ACOT7: variants seen among roughly 807,000 people sequenced by gnomAD.
The protein encoded by ACOT7 is acyl-CoA thioesterase 7.
A neutral mutation model predicts 40.2 loss-of-function variants in ACOT7; 12 were observed. That is an observed-to-expected ratio of 0.30 (90% confidence interval 0.19 to 0.48). The LOEUF (loss-of-function observed/expected upper bound fraction) is 0.48, where lower values mean the gene tolerates loss of function less well. ACOT7 is among the 20% of genes least tolerant of loss of function. The pLI is 0.99. For synonymous variants in ACOT7, 228 were observed against 219.5 expected (o/e 1.04, Z -0.34); for missense variants, 395 against 530.8 (o/e 0.74, Z 2.51).
rs533979293 is a variant in ACOT7 at position 6,352,482 on chromosome 1, G to A, written c.144-2616C>T. On this transcript the variant is annotated intron_variant, in intron 1 of 8. Transcript: ENST00000361521. The surrounding 1 kb of genome is among the most constrained non-coding windows in gnomAD (Gnocchi z 4.5). ...CCCCATGGCCTGGCCAAGGCCAACC[G>A]TGTCCATCCCAGGACAGGGTCATGA... is the stretch of plus-strand genomic sequence containing the variant. Among the ~76,000 whole-genome samples the A allele has an allele frequency of 1.8e-4, 28 of 152,226 alleles. No individual in the cohort carries two copies. The highest frequency in any genetic ancestry group is 3.7e-4 in the Non-Finnish European group (25 of 68,044).
At position 6,352,813 on chromosome 1, in the gene ACOT7, G is replaced by T. The variant is rs1052183313; in HGVS notation, c.144-2947C>A. On this transcript the variant is annotated intron_variant, in intron 1 of 8. Transcript: ENST00000361521. The surrounding 1 kb of genome is among the most constrained non-coding windows in gnomAD (Gnocchi z 4.5). ...TTAGCCAGGATGGTCTTGATCTCCTGACCTCGTTCGTGATCCCATTTCTAA... is the reference window on the plus strand; with the variant it reads ...TTAGCCAGGATGGTCTTGATCTCCTTACCTCGTTCGTGATCCCATTTCTAA... Among the ~76,000 whole-genome samples, 3 of 151,966 alleles carry T rather than the reference G, an allele frequency of 2.0e-5. No individual in the cohort carries two copies. Among genetic ancestry groups the T allele is most frequent in the African/African-American group, 7.3e-5 (3 of 41,372 alleles).
At chr1:6,348,529 G>T (rs1196663484) in intron 2 of ACOT7, among the ~76,000 whole-genome samples, 2 of 152,144 alleles carry the variant, frequency 1.3e-5, no homozygotes, top group Admixed American at 1.3e-4. Flanking sequence ...ATGAGAGAAT[G>T]GGGACAGAGC....
intron 5 of ACOT7, among the ~76,000 whole-genome samples, chr1:6,323,738 AT>A (rs1264305687): frequency 0.044 from 1,464 of 33,436 alleles, 48 homozygotes; most frequent in African/African-American, 0.12. Context: ...AAAAAAAAAA[AT>A]ATATATATAT....
At chr1:6,323,850 C>G (rs561072003) in intron 5 of ACOT7, among the ~76,000 whole-genome samples, 1 of 150,192 alleles carries the variant, frequency 6.7e-6, no homozygotes, top group Non-Finnish European at 1.5e-5. Flanking sequence ...GACGAGGCCA[C>G]CCCTGTGGAG....
chr1:6,273,933 A>G (rs151248084), intron 8 of ACOT7, among the ~76,000 whole-genome samples: 1,723 of 152,322 alleles, frequency 0.011, 16 homozygotes, highest in Non-Finnish European at 0.018. Context: ...GCCCCGTGAC[A>G]AAGGCCCCAC....
chr1:6,393,136 G>T, intron 1 of ACOT7, 121 bp downstream of exon 1: 1 of 1,091,744 alleles, frequency 9.2e-7, no homozygotes, highest in Non-Finnish European at 1.1e-6. Context: ...GGAAGGCCGT[G>T]CGGGGAATCG....
chr1:6,325,355 G>A (rs1640769851), intron 5 of ACOT7, among the ~76,000 whole-genome samples: 1 of 150,728 alleles, frequency 6.6e-6, no homozygotes, highest in Admixed American at 6.6e-5. Flanking sequence ...CTGAGATCGC[G>A]CCACTGCACT....
intron 7 of ACOT7, among the ~76,000 whole-genome samples, chr1:6,286,564 C>T (rs928466461): frequency 6.6e-6 from 1 of 152,164 alleles, no homozygotes; most frequent in African/African-American, 2.4e-5. Flanking sequence ...CCAGGCTTGG[C>T]CACTGAGCAG....
intron 1 of ACOT7, among the ~76,000 whole-genome samples, chr1:6,384,461 A>G (rs555959676): frequency 6.6e-6 from 1 of 152,032 alleles, no homozygotes; most frequent in African/African-American, 2.4e-5. Flanking sequence ...ATTCCTCAAG[A>G]GAATAACCAC....
intron 7 of ACOT7, among the ~76,000 whole-genome samples, chr1:6,287,339 G>C (rs1639533028): frequency 6.6e-6 from 1 of 152,236 alleles, no homozygotes; most frequent in African/African-American, 2.4e-5. Context: ...TGCTGGGCCT[G>C]CCCTCCCAGT....
At chr1:6,390,216 T>C (rs922938541) in intron 1 of ACOT7, among the ~76,000 whole-genome samples, 9 of 152,208 alleles carry the variant, frequency 5.9e-5, no homozygotes, top group African/African-American at 1.9e-4. Context: ...TGCTCACTCA[T>C]GAGCAGGGGC....
chr1:6,384,305 G>A (rs965414855), intron 1 of ACOT7, among the ~76,000 whole-genome samples: 1 of 151,792 alleles, frequency 6.6e-6, no homozygotes, highest in African/African-American at 2.4e-5. Flanking sequence ...AAGCCACAGT[G>A]AGATACCACT....
rs947080904 is a variant in ACOT7 at position 6,355,427 on chromosome 1, A to G, written c.144-5561T>C. Among the ~76,000 whole-genome samples, 6 of 152,182 alleles carry G rather than the reference A, an allele frequency of 3.9e-5. No individual in the cohort carries two copies. Among genetic ancestry groups the G allele is most frequent in the Admixed American group, 1.3e-4 (2 of 15,272 alleles). The stretch of plus-strand genomic sequence containing the variant: ...AAGGACATAAAAGCAACAGCCACAC[A>G]TTGGAATATTGCTCAGCCTTGCACG... On this transcript the variant is annotated intron_variant, in intron 1 of 8. Transcript: ENST00000361521. The surrounding 1 kb of genome is among the most constrained non-coding windows in gnomAD (Gnocchi z 5.0).
In ACOT7 at chr1:6,393,592, C is replaced by T. The variant is rs1200820308; in HGVS notation, c.-193G>A. On this transcript the variant is annotated 5_prime_UTR_variant, in exon 1 of 9. Coordinates refer to ENST00000361521, the MANE Select transcript of ACOT7 (RefSeq NM_007274.4). The stretch of plus-strand genomic sequence containing the variant: ...TCTGGCGGCGTGGGGGCCCAGGCAG[C>T]CGCCGCTTCCAGAAGGTTCGGTGGC... The T allele has an allele frequency of 4.9e-6, 2 of 406,380 alleles. No individual in the cohort carries two copies. Among genetic ancestry groups the T allele is most frequent in the African/African-American group, 4.2e-5 (2 of 47,380 alleles). 25.2% of individuals were successfully genotyped at this position (406,380 alleles called of 1,614,324 possible).
intron 1 of ACOT7, among the ~76,000 whole-genome samples, chr1:6,370,441 T>A (rs1642106700): frequency 6.6e-6 from 1 of 150,626 alleles, no homozygotes; most frequent in East Asian, 1.9e-4. Context: ...AGGTCTATTG[T>A]CAATGAGCAG....
intron 1 of ACOT7, among the ~76,000 whole-genome samples, chr1:6,364,988 A>C (rs990169966): frequency 2.0e-5 from 3 of 151,820 alleles, no homozygotes; most frequent in African/African-American, 7.3e-5. Context: ...GCCCCACTGC[A>C]CTCCAGCCTG....
rs189081862 is a variant in ACOT7, at chr1:6,306,614, T to G, written c.713-11634A>C. The G allele has an allele frequency of 3.7e-5, 36 of 985,378 alleles. No homozygotes were observed. In the East Asian group the frequency reaches 2.7e-3, roughly 75 times the overall value. 61.0% of individuals were successfully genotyped at this position (985,378 alleles called of 1,614,324 possible). Reference sequence around the variant, plus strand: ...CCTAGAAGGCGAGTACTAGAAGGAATTTAACTGCAGCCTGTGCCACTCAGC... The same window carrying G: ...CCTAGAAGGCGAGTACTAGAAGGAAGTTAACTGCAGCCTGTGCCACTCAGC... On this transcript the variant is annotated intron_variant, in intron 6 of 8. Transcript: ENST00000361521. The surrounding 1 kb of genome is among the most constrained non-coding windows in gnomAD (Gnocchi z 4.3).
At position 6,288,878 on chromosome 1, in the gene ACOT7, C is replaced by CT. The variant is rs1371475053; in HGVS notation, c.829+5985dup. 6.6e-6 allele frequency among the ~76,000 whole-genome samples: 1 copy of CT among 152,224 alleles called. No individual in the cohort carries two copies. Among genetic ancestry groups the CT allele is most frequent in the Non-Finnish European group, 1.5e-5 (1 of 68,052 alleles). On this transcript the variant is annotated intron_variant, in intron 7 of 8. Transcript: ENST00000361521. This position sits in a 1 kb window ranked among gnomAD's most constrained non-coding sequence, Gnocchi z 4.3. ...GGGCCAATGTCTGGATGAAGCAAAGCTGTCCGTGTAACTTCCTGACAGACA... is the reference window on the plus strand; with the variant it reads ...GGGCCAATGTCTGGATGAAGCAAAGCTTGTCCGTGTAACTTCCTGACAGACA...
At chr1:6,391,700 T>C (rs1642536373) in intron 1 of ACOT7, among the ~76,000 whole-genome samples, 1 of 152,124 alleles carries the variant, frequency 6.6e-6, no homozygotes, top group South Asian at 2.1e-4. Flanking sequence ...GCAGGGGCTG[T>C]CCCTGGATCT....
Sources: allele counts gnomAD v4.1 joint callset (sites outside exome capture counted in the v4.1 genomes callset), GRCh38; gene constraint gnomAD v4.1.1; non-coding constraint Gnocchi (gnomAD v3.1); transcripts MANE v1.5; gene names NCBI Gene and HGNC (gene_info 2026-07-23, HGNC 2026-07-21).